PTPRT: variants seen among roughly 807,000 people sequenced by gnomAD.
The protein encoded by PTPRT is receptor-type tyrosine-protein phosphatase T.
A neutral mutation model predicts 176.8 loss-of-function variants in PTPRT; 56 were observed. That is an observed-to-expected ratio of 0.32 (90% CI 0.26 to 0.40). The LOEUF (loss-of-function observed/expected upper bound fraction) is 0.40, where lower values mean the gene tolerates loss of function less well. PTPRT is among the 10% of genes least tolerant of loss of function. The pLI, the probability that PTPRT is intolerant of heterozygous loss-of-function variation, is 1.00. For synonymous variants in PTPRT, 783 were observed against 739.0 expected, an observed-to-expected ratio of 1.06 and a Z score of -0.96; for missense variants, 1,540 against 1,908.2, an observed-to-expected ratio of 0.81 and a Z score of 3.60.
chr20:42,124,891 T>G (rs1055464471), intron 19 of PTPRT, among the ~76,000 whole-genome samples: 1 of 152,206 alleles, frequency 6.6e-6, no homozygotes, highest in South Asian at 2.1e-4. Context: ...CTGCTCTGTA[T>G]GGATCGCGCC....
chr20:42,184,647 C>T (rs967308207), intron 16 of PTPRT, among the ~76,000 whole-genome samples: 3 of 144,112 alleles, frequency 2.1e-5, no homozygotes, highest in East Asian at 2.1e-4. Context: ...CTCTCTCTCT[C>T]GATAGAGTTT....
At chr20:42,502,567 GT>G (rs2071771369) in intron 7 of PTPRT, among the ~76,000 whole-genome samples, 2 of 152,034 alleles carry the variant, frequency 1.3e-5, no homozygotes, top group South Asian at 4.2e-4. Context: ...AAAACTTCAC[GT>G]TTTTGACAAC....
chr20:42,663,376 C>A (rs948055374), intron 7 of PTPRT, among the ~76,000 whole-genome samples: 4 of 152,166 alleles, frequency 2.6e-5, no homozygotes, highest in Non-Finnish European at 5.9e-5. Context: ...CTATGCTGGG[C>A]AGGACGGCAA....
chr20:42,276,545 A>ATATATT (rs2057039828), intron 13 of PTPRT, among the ~76,000 whole-genome samples: 7 of 63,382 alleles, frequency 1.1e-4, no homozygotes, highest in African/African-American at 2.7e-4. Context: ...ATATATATAT[A>ATATATT]TATATATATA....
chr20:42,353,300 G>A (rs557271247), intron 9 of PTPRT, among the ~76,000 whole-genome samples: 9 of 152,252 alleles, frequency 5.9e-5, no homozygotes, highest in East Asian at 1.9e-4. Flanking sequence ...GTGCTTTCTC[G>A]TGCATTATCT....
chr20:42,997,293 G>T (rs181247241), intron 1 of PTPRT, among the ~76,000 whole-genome samples: 5 of 152,240 alleles, frequency 3.3e-5, no homozygotes, highest in African/African-American at 9.6e-5. Flanking sequence ...GATGGACATA[G>T]CAGAAGTAAT....
At chr20:43,043,835 A>C (rs1437090849) in intron 1 of PTPRT, among the ~76,000 whole-genome samples, 1 of 152,116 alleles carries the variant, frequency 6.6e-6, no homozygotes, top group Non-Finnish European at 1.5e-5. Flanking sequence ...GAATACTGTG[A>C]AGAAGATGAT....
chr20:42,104,140 G>C (rs1471945719), intron 25 of PTPRT, among the ~76,000 whole-genome samples: 1 of 152,006 alleles, frequency 6.6e-6, no homozygotes, highest in African/African-American at 2.4e-5. Context: ...CATGAGCATA[G>C]AACCCTCATG....
rs1184565832 is a variant in PTPRT at position 42,964,923 on chromosome 20, A to T, written c.89-78991T>A. ...ATCAATAGATGCCAAACTGTATTTG[A>T]TTAGAATATCCATTCTTGATTTACA... On this transcript the variant is annotated intron_variant, in intron 1 of 30. Coordinates refer to ENST00000373187, the MANE Select transcript of PTPRT (RefSeq NM_007050.6). Among the ~76,000 whole-genome samples, 3 of 152,374 alleles carry T rather than the reference A, an allele frequency of 2.0e-5. No homozygotes were observed. In the East Asian group the frequency reaches 5.8e-4, roughly 29 times the overall value.
chr20:42,162,974 C>T (rs1475080357), intron 16 of PTPRT, among the ~76,000 whole-genome samples: 2 of 152,218 alleles, frequency 1.3e-5, no homozygotes, highest in African/African-American at 2.4e-5. Flanking sequence ...GTTTGACTGA[C>T]AATTTTCCAG....
intron 1 of PTPRT, among the ~76,000 whole-genome samples, chr20:43,149,181 T>G (rs1297889194): frequency 2.6e-5 from 4 of 152,218 alleles, no homozygotes; most frequent in Non-Finnish European, 4.4e-5. Flanking sequence ...CTACCCAAGA[T>G]CCCTTTGTGA....
intron 1 of PTPRT, among the ~76,000 whole-genome samples, chr20:42,943,255 A>G (rs1490038987): frequency 6.6e-6 from 1 of 152,152 alleles, no homozygotes; most frequent in Admixed American, 6.5e-5. Context: ...AGAAGTCCCA[A>G]ACACTCAATG....
At chr20:42,287,632 A>G (rs1213845272) in intron 12 of PTPRT, among the ~76,000 whole-genome samples, 1 of 151,920 alleles carries the variant, frequency 6.6e-6, no homozygotes, top group East Asian at 1.9e-4. Flanking sequence ...ATACCTAGAT[A>G]GAAGGAATAA....
chr20:42,284,452 A>C (rs1005764593), intron 12 of PTPRT, among the ~76,000 whole-genome samples: 1 of 152,092 alleles, frequency 6.6e-6, no homozygotes, highest in Non-Finnish European at 1.5e-5. Context: ...CCACAAGCTG[A>C]AAATTTTTAG....
In PTPRT at chr20:42,199,358, C is replaced by G. The variant is rs200127403; in HGVS notation, c.2373G>C (p.Gln791His). 4.7e-5 allele frequency: 76 copies of G among 1,613,950 alleles called. No homozygotes were observed. In the Middle Eastern group the frequency reaches 6.6e-4, roughly 14 times the overall value. ...GCCCCATCTCCCTCTGGGCTCCACT[C>G]TGGGTCTCCTTCTGCTTCTTGGCCA... ...LKLAKKQKET[Q>H]SGAQREMGPV... Residue 791 changes from glutamine to histidine, a missense_variant, in exon 16 of 31, where the codon CAG becomes CAC. By Grantham distance (24) the Gln-to-His change is conservative. Coordinates refer to ENST00000373187, the MANE Select transcript of PTPRT (RefSeq NM_007050.6).
chr20:42,230,731 G>A (rs2056116628), intron 15 of PTPRT, among the ~76,000 whole-genome samples: 1 of 152,120 alleles, frequency 6.6e-6, no homozygotes, highest in African/African-American at 2.4e-5. Flanking sequence ...TGTTCCAGGT[G>A]GAAACAATCT....
intron 1 of PTPRT, among the ~76,000 whole-genome samples, chr20:42,983,757 C>A (rs537518324): frequency 6.6e-6 from 1 of 152,380 alleles, no homozygotes; most frequent in African/African-American, 2.4e-5. Context: ...TTCCACCCCA[C>A]TGTCGTGTTT....
At chr20:42,689,202 C>A (rs1015188057) in intron 6 of PTPRT, among the ~76,000 whole-genome samples, 7 of 152,208 alleles carry the variant, frequency 4.6e-5, no homozygotes, top group Non-Finnish European at 1.0e-4. Flanking sequence ...AACCCAAGAC[C>A]TTAGTGGGCA....
At position 42,872,391 on chromosome 20, in the gene PTPRT, G is replaced by A. The variant is rs6016908; in HGVS notation, c.214+13416C>T. Among the ~76,000 whole-genome samples, 691 of 152,338 alleles carry A rather than the reference G, an allele frequency of 4.5e-3. 6 individuals carry two copies. Among genetic ancestry groups the A allele is most frequent in the African/African-American group, 0.016 (647 of 41,586 alleles). On this transcript the variant is annotated intron_variant, in intron 2 of 30. Transcript: ENST00000373187. ...GATCACTGCAGCTCTGCAAGGATGC[G>A]TGAGAACAGAGTACGTGCCTTAAGC... is the stretch of plus-strand genomic sequence containing the variant.
Sources: gnomAD v4.1 joint callset for allele counts (sites outside exome capture counted in the v4.1 genomes callset) on GRCh38, gnomAD v4.1.1 for gene constraint, MANE v1.5 for transcripts, NCBI Gene and HGNC (gene_info 2026-07-23, HGNC 2026-07-21) for gene names.